Variants in RORA observed in about 807,000 individuals in gnomAD.
The protein encoded by RORA is RAR related orphan receptor A, also known as nuclear receptor ROR-alpha.
In RORA, 7 loss-of-function variants were observed where a neutral mutation model predicts 69.5. The ratio of observed to expected loss-of-function variants is 0.10; its 90% CI spans 0.06 to 0.19. The LOEUF (loss-of-function observed/expected upper bound fraction) is 0.19. RORA is among the 10% of genes least tolerant of loss of function. The pLI is 1.00. For synonymous variants in RORA, 261 were observed against 240.8 expected (o/e 1.08, Z -0.78); for missense variants, 457 against 663.0 (o/e 0.69, Z 3.41).
At chr15:60,936,992 A>T (rs1384838261) in intron 1 of RORA, among the ~76,000 whole-genome samples, 1 of 152,186 alleles carries the variant, frequency 6.6e-6, no homozygotes, top group African/African-American at 2.4e-5. Context: ...ATTTTTTTTT[A>T]ATCCAATGAT....
At chr15:60,512,841 C>A (rs1224839075) in intron 4 of RORA, among the ~76,000 whole-genome samples, 1 of 152,178 alleles carries the variant, frequency 6.6e-6, no homozygotes, top group African/African-American at 2.4e-5. Context: ...ACCAAGATAA[C>A]TGAAAACAAA....
intron 2 of RORA, among the ~76,000 whole-genome samples, chr15:60,663,568 G>A (rs1298757050): frequency 6.6e-6 from 1 of 152,164 alleles, no homozygotes; most frequent in Non-Finnish European, 1.5e-5. Flanking sequence ...TGATTATCTT[G>A]CCTCAGCCCC....
chr15:60,996,065 T>G (rs1446307982), intron 1 of RORA, among the ~76,000 whole-genome samples: 1 of 126,694 alleles, frequency 7.9e-6, no homozygotes, highest in Non-Finnish European at 1.8e-5. Context: ...CTAGATCTTG[T>G]TTTTTGTTTT....
chr15:60,721,443 A>G (rs1595658836), intron 1 of RORA, among the ~76,000 whole-genome samples: 1 of 152,242 alleles, frequency 6.6e-6, no homozygotes, highest in Non-Finnish European at 1.5e-5. Flanking sequence ...TTCCATTACA[A>G]TAATATTCTT....
chr15:60,721,383 A>G (rs1417169782), intron 1 of RORA, among the ~76,000 whole-genome samples: 2 of 152,256 alleles, frequency 1.3e-5, no homozygotes, highest in Admixed American at 1.3e-4. Context: ...GATAAGAGGA[A>G]ATTGAAACCA....
intron 1 of RORA, among the ~76,000 whole-genome samples, chr15:60,997,599 T>C (rs1457335274): frequency 6.6e-6 from 1 of 152,194 alleles, no homozygotes; most frequent in Admixed American, 6.5e-5. Flanking sequence ...ATTAAGATAG[T>C]CTACTGATAT....
chr15:61,016,460 C>G (rs1323569350), intron 1 of RORA, among the ~76,000 whole-genome samples: 1 of 152,128 alleles, frequency 6.6e-6, no homozygotes, highest in Non-Finnish European at 1.5e-5. Context: ...GAAATACCAA[C>G]TTAGAGAAAG....
At chr15:60,577,084 CA>C (rs1462548072) in intron 2 of RORA, among the ~76,000 whole-genome samples, 7 of 152,148 alleles carry the variant, frequency 4.6e-5, no homozygotes, top group African/African-American at 1.7e-4. Flanking sequence ...AATAGAATAT[CA>C]CCAAAGATTC....
At chr15:60,844,793 T>C (rs551182017) in intron 1 of RORA, among the ~76,000 whole-genome samples, 110 of 152,292 alleles carry the variant, frequency 7.2e-4, no homozygotes, top group African/African-American at 2.3e-3. Context: ...CTTGCCTCGA[T>C]GGTATCAAAG....
At chr15:60,665,942 T>C (rs904404331) in intron 2 of RORA, among the ~76,000 whole-genome samples, 12 of 152,204 alleles carry the variant, frequency 7.9e-5, no homozygotes, top group African/African-American at 2.9e-4. Flanking sequence ...CGCCAAGTGC[T>C]AGGATTACAG....
intron 1 of RORA, among the ~76,000 whole-genome samples, chr15:61,014,089 G>A (rs1004357251): frequency 2.6e-5 from 4 of 152,104 alleles, no homozygotes; most frequent in African/African-American, 9.7e-5. Context: ...GGCCGGGTTG[G>A]CTTTTTAAAT....
chr15:60,973,051 T>C (rs1160771756), intron 1 of RORA, among the ~76,000 whole-genome samples: 2 of 150,598 alleles, frequency 1.3e-5, no homozygotes, highest in Non-Finnish European at 2.9e-5. Flanking sequence ...CGATGACTCA[T>C]GGGAAATCCG....
Position 60,500,000 on chromosome 15 carries a change from G to T in RORA, c.1299C>A (p.Arg433=). The T allele has an allele frequency of 6.3e-7, 1 of 1,597,240 alleles. No homozygotes were observed. The change falls in exon 10 of 11, where the codon CGC becomes CGA. Residue 433 remains arginine (R), a synonymous_variant. Coordinates refer to ENST00000335670, the MANE Select transcript of RORA (RefSeq NM_134261.3). The part of the protein sequence containing the change: ...FSAFVLMSAD[R]SWLQEKVKIE... Reference sequence around the variant, plus strand: ...TTTTTACCTTTTCTTGCAGCCATGAGCGATCTAAGCATAAAAAAATGATAT... The same window carrying T: ...TTTTTACCTTTTCTTGCAGCCATGATCGATCTAAGCATAAAAAAATGATAT...
chr15:60,500,890 TG>T, intron 9 of RORA, 68 bp downstream of exon 9: 2 of 838,486 alleles, frequency 2.4e-6, no homozygotes, highest in Non-Finnish European at 2.0e-6. Context: ...ATTAAACGTA[TG>T]GGCCTTGTAA....
intron 2 of RORA, among the ~76,000 whole-genome samples, chr15:60,557,498 C>T (rs998147872): frequency 1.3e-5 from 2 of 152,146 alleles, no homozygotes; most frequent in Admixed American, 6.6e-5. Context: ...GATACAAGCT[C>T]GGCCTTGCTT....
intron 1 of RORA, among the ~76,000 whole-genome samples, chr15:60,933,951 C>T (rs1397252458): frequency 6.6e-6 from 1 of 152,230 alleles, no homozygotes; most frequent in Non-Finnish European, 1.5e-5. Context: ...TGGGCTCCCT[C>T]ATTTCTCAAA....
At chr15:60,773,366 A>G (rs569769853) in intron 1 of RORA, among the ~76,000 whole-genome samples, 1 of 152,236 alleles carries the variant, frequency 6.6e-6, no homozygotes, top group African/African-American at 2.4e-5. Context: ...TGTTTTCTGA[A>G]CCGTTTGAGG....
rs1023506357 is a variant in RORA at position 60,492,579 on chromosome 15, T to G, written c.*4876A>C. The G allele has an allele frequency of 3.9e-5, 6 of 152,164 alleles. No homozygotes were observed. Among genetic ancestry groups the G allele is most frequent in the African/African-American group, 1.4e-4 (6 of 41,464 alleles). The allele number at this position is 152,164 out of a possible 1,614,324, so 9.4% of individuals were successfully genotyped here. ...GCAGGTCTCTCCTCTTATTACTGGA[T>G]TTTAAAATTTTCATCCTTAATATGT... On this transcript the variant is annotated 3_prime_UTR_variant, in exon 11 of 11. Coordinates refer to ENST00000335670, the MANE Select transcript of RORA (RefSeq NM_134261.3).
chr15:61,124,650 A>C (rs1017357278), intron 1 of RORA, among the ~76,000 whole-genome samples: 1 of 152,164 alleles, frequency 6.6e-6, no homozygotes, highest in Non-Finnish European at 1.5e-5. Context: ...TTCCCAGCAT[A>C]ACTTTTCCTC....
Sources: allele counts gnomAD v4.1 joint callset (sites outside exome capture counted in the v4.1 genomes callset), GRCh38; gene constraint gnomAD v4.1.1; transcripts MANE v1.5; gene names NCBI Gene and HGNC (gene_info 2026-07-23, HGNC 2026-07-21).